ZNF609: variants seen among roughly 807,000 people sequenced by gnomAD.
The protein encoded by ZNF609 is zinc finger protein 609.
Under a neutral mutation model 109.5 loss-of-function variants are expected in ZNF609, and 11 were observed. The observed-to-expected ratio is 0.10, with a 90% CI of 0.06 to 0.17. The LOEUF (loss-of-function observed/expected upper bound fraction) is 0.17. Among genes scored for constraint, ZNF609 ranks in the 10% least tolerant of loss-of-function variants. The pLI is 1.00. For synonymous variants in ZNF609, 646 were observed against 662.0 expected (o/e 0.98, Z 0.37); for missense variants, 1,559 against 1,772.4 (o/e 0.88, Z 2.16).
rs543462925 is a variant in ZNF609 at position 64,649,305 on chromosome 15, A to G, written c.974-21041A>G. Among the ~76,000 whole-genome samples the G allele has an allele frequency of 2.0e-5, 3 of 152,242 alleles. No homozygotes were observed. In the East Asian group the frequency reaches 5.8e-4, roughly 29 times the overall value. On this transcript the variant is annotated intron_variant, in intron 3 of 9. Transcript: ENST00000326648. ...GTATAGGATGTTGTCAGTTAGGCTT[A>G]CTAACGCTCCTTTTCCACCCCCCAA...
chr15:64,657,821 A>G (rs1896512734), intron 3 of ZNF609, among the ~76,000 whole-genome samples: 1 of 152,190 alleles, frequency 6.6e-6, no homozygotes, highest in African/African-American at 2.4e-5. Flanking sequence ...TGGGCAGGTC[A>G]TGGTGGCTGA....
chr15:64,516,985 C>T (rs573302510), intron 2 of ZNF609, among the ~76,000 whole-genome samples: 2 of 152,280 alleles, frequency 1.3e-5, no homozygotes, highest in East Asian at 1.9e-4. Flanking sequence ...ACCCCTACTC[C>T]GGAAACTTTT....
chr15:64,609,116 C>CTTTCT (rs1895668857), intron 2 of ZNF609, among the ~76,000 whole-genome samples: 5 of 30,136 alleles, frequency 1.7e-4, no homozygotes, highest in South Asian at 1.6e-3. Flanking sequence ...TTCTTTCTTT[C>CTTTCT]TTTCTTTCTT....
intron 2 of ZNF609, among the ~76,000 whole-genome samples, chr15:64,609,130 T>TTCTTTCTTTC (rs750700444): frequency 0.17 from 14,371 of 83,516 alleles, 1,388 homozygotes; most frequent in East Asian, 0.23. Flanking sequence ...CTTTCTTTCT[T>TTCTTTCTTTC]TTTTTCTTTC....
At chr15:64,602,718 T>G in intron 2 of ZNF609, among the ~76,000 whole-genome samples, 1 of 5,982 alleles carries the variant, frequency 1.7e-4, no homozygotes. Context: ...TTTTCTTTCT[T>G]TTTTTTTTTT....
chr15:64,531,003 G>A (rs1382005528), intron 2 of ZNF609, among the ~76,000 whole-genome samples: 1 of 152,110 alleles, frequency 6.6e-6, no homozygotes, highest in Non-Finnish European at 1.5e-5. Context: ...TTTCCTATTT[G>A]CCTCAGAATT....
chr15:64,513,017 T>G (rs913417659), intron 2 of ZNF609, among the ~76,000 whole-genome samples: 2 of 152,024 alleles, frequency 1.3e-5, no homozygotes, highest in Non-Finnish European at 2.9e-5. Context: ...TAAATTCTCA[T>G]AATAAAATTT....
At position 64,675,592 on chromosome 15, in the gene ZNF609, C is replaced by T; in HGVS notation, c.2738C>T (p.Pro913Leu). The T allele has an allele frequency of 6.2e-7, 1 of 1,614,098 alleles. No individual in the cohort carries two copies. The highest frequency in any genetic ancestry group is 8.5e-7 in the Non-Finnish European group (1 of 1,180,040). Residue 913 changes from proline (P) to leucine (L), a missense_variant, in exon 5 of 10, where the codon CCC becomes CTC. Physicochemically the swap from Pro to Leu is moderately conservative, Grantham distance 98 (BLOSUM62 -3). Around this residue, in one of 4 missense-constraint regions of ZNF609, gnomAD observed 1,204 missense variants for 1,314.1 expected, o/e 0.92. Coordinates refer to ENST00000326648, the MANE Select transcript of ZNF609 (RefSeq NM_015042.2). Reference protein sequence around the residue: ...YAQSSPGALNPSSQAGVESQA... With the variant: ...YAQSSPGALNLSSQAGVESQA... ...CAGTCCAGCCCTGGGGCTCTGAACC[C>T]CAGCAGCCAGGCAGGAGTGGAGAGC... is the stretch of plus-strand genomic sequence containing the variant.
chr15:64,520,008 G>A (rs910019358), intron 2 of ZNF609, among the ~76,000 whole-genome samples: 3 of 152,116 alleles, frequency 2.0e-5, no homozygotes, highest in African/African-American at 7.2e-5. Flanking sequence ...CTTTCTCCTT[G>A]CAGCCTCTCT....
At chr15:64,522,581 A>T (rs578030389) in intron 2 of ZNF609, among the ~76,000 whole-genome samples, 24 of 152,320 alleles carry the variant, frequency 1.6e-4, no homozygotes, top group South Asian at 1.2e-3. Flanking sequence ...GATTGTCTTC[A>T]GAAGTCTGGG....
chr15:64,668,193 C>A (rs1005429140), intron 3 of ZNF609, among the ~76,000 whole-genome samples: 2 of 152,150 alleles, frequency 1.3e-5, no homozygotes, highest in African/African-American at 4.8e-5. Flanking sequence ...TAATAGAAAT[C>A]TAATGTTAAG....
At chr15:64,625,427 G>T (rs950132225) in intron 3 of ZNF609, among the ~76,000 whole-genome samples, 1 of 152,168 alleles carries the variant, frequency 6.6e-6, no homozygotes, top group Non-Finnish European at 1.5e-5. Context: ...GGCTGAGGCA[G>T]GATAATCACT....
At chr15:64,596,557 C>T (rs1895402296) in intron 2 of ZNF609, among the ~76,000 whole-genome samples, 2 of 152,146 alleles carry the variant, frequency 1.3e-5, no homozygotes, top group African/African-American at 4.8e-5. Flanking sequence ...TCTTTTGGGC[C>T]TCAGTTTAAA....
chr15:64,641,539 C>T (rs555544665), intron 3 of ZNF609, among the ~76,000 whole-genome samples: 12 of 151,798 alleles, frequency 7.9e-5, no homozygotes, highest in African/African-American at 2.7e-4. Context: ...TTTGGCTCCT[C>T]GAGTCCCAGA....
chr15:64,648,956 A>C (rs1279841279), intron 3 of ZNF609, among the ~76,000 whole-genome samples: 1 of 152,064 alleles, frequency 6.6e-6, no homozygotes, highest in African/African-American at 2.4e-5. Flanking sequence ...TGTTCATTTC[A>C]TAGGTGGAAA....
Position 64,670,386 on chromosome 15 carries a change from T to C in ZNF609, c.1014T>C (p.Tyr338=), listed in dbSNP as rs1418748093. The stretch of plus-strand genomic sequence containing the variant: ...ATGTAACGTGGAGGAACAAGACATA[T>C]GTAGGTACACTCCTTGACTGCACAC... ...VVNVTWRNKT[Y]VGTLLDCTRH... Residue 338 remains tyrosine (Y), a synonymous_variant, in exon 4 of 10, where the codon TAT becomes TAC. Coordinates refer to ENST00000326648, the MANE Select transcript of ZNF609 (RefSeq NM_015042.2). The C allele has an allele frequency of 7.4e-6, 12 of 1,614,068 alleles. No individual in the cohort carries two copies. Among genetic ancestry groups the C allele is most frequent in the Admixed American group, 1.7e-5 (1 of 60,010 alleles).
intron 2 of ZNF609, among the ~76,000 whole-genome samples, chr15:64,538,613 C>G (rs1201679223): frequency 1.3e-5 from 2 of 152,184 alleles, no homozygotes; most frequent in Non-Finnish European, 2.9e-5. Flanking sequence ...GTGGGGCGAT[C>G]TTGGCTCACC....
intron 2 of ZNF609, among the ~76,000 whole-genome samples, chr15:64,588,442 A>AAAAAAAAAAAAAAAAG (rs71133451): frequency 0.45 from 33,436 of 74,516 alleles, 13,561 homozygotes; most frequent in Non-Finnish European, 0.56. Flanking sequence ...AAAAAAAAAA[A>AAAAAAAAAAAAAAAAG]AAGAAGAGGA....
chr15:64,488,686 G>A (rs894333443), intron 1 of ZNF609, among the ~76,000 whole-genome samples: 2 of 152,076 alleles, frequency 1.3e-5, no homozygotes, highest in Admixed American at 1.3e-4. Context: ...ATCTGGGAAG[G>A]GAGAGATAAG....
Sources: allele counts gnomAD v4.1 joint callset (sites outside exome capture counted in the v4.1 genomes callset), GRCh38; gene constraint gnomAD v4.1.1; regional missense constraint gnomAD v4.1.1; transcripts MANE v1.5; gene names NCBI Gene and HGNC (gene_info 2026-07-23, HGNC 2026-07-21).